Variants in GRM7 observed in about 807,000 individuals in gnomAD.
The protein encoded by GRM7 is metabotropic glutamate receptor 7.
In GRM7, 35 loss-of-function variants were observed where a neutral mutation model predicts 84.5. The observed-to-expected ratio is 0.41, with a 90% CI of 0.32 to 0.55. GRM7 has a LOEUF of 0.55. Ranked by LOEUF, GRM7 falls within the 20% of genes least tolerant of loss-of-function variation. GRM7 has a pLI of 0.19. For synonymous variants in GRM7, 487 were observed against 455.1 expected (o/e 1.07, Z -0.89); for missense variants, 1,003 against 1,194.6 (o/e 0.84, Z 2.36).
At chr3:7,257,708 C>G (rs142021534) in intron 2 of GRM7, among the ~76,000 whole-genome samples, 150 of 152,272 alleles carry the variant, frequency 9.9e-4, no homozygotes, top group Non-Finnish European at 1.8e-3. Flanking sequence ...TTTGCTACAC[C>G]TTTCCTAACA....
chr3:7,592,633 T>G lies in GRM7; in HGVS notation c.2451+13276T>G, dbSNP rs147062314. Among the ~76,000 whole-genome samples the G allele has an allele frequency of 3.6e-4, 55 of 152,346 alleles. 2 individuals are homozygous for G. The East Asian group carries it at 5.4e-3, about 15-fold the overall frequency. On this transcript the variant is annotated intron_variant, in intron 8 of 9. Transcript: ENST00000357716. The stretch of plus-strand genomic sequence containing the variant: ...CTGACAGATTTCAAAAGGATCAAGC[T>G]GATCCTCCCAAATACATTAATTTCA...
intron 4 of GRM7, among the ~76,000 whole-genome samples, chr3:7,337,219 C>T (rs58743436): frequency 3.3e-5 from 5 of 152,016 alleles, no homozygotes; most frequent in South Asian, 2.1e-4. Flanking sequence ...AGCCACACGT[C>T]GAAGAATAAA....
chr3:7,114,439 C>A (rs1304397622), intron 1 of GRM7, among the ~76,000 whole-genome samples: 1 of 152,122 alleles, frequency 6.6e-6, no homozygotes, highest in Non-Finnish European at 1.5e-5. Flanking sequence ...CATCTGGTGA[C>A]CCCCTGATAA....
chr3:7,503,643 A>G (rs182260218), intron 7 of GRM7, among the ~76,000 whole-genome samples: 1 of 152,262 alleles, frequency 6.6e-6, no homozygotes, highest in Non-Finnish European at 1.5e-5. Flanking sequence ...AATGTGGTGT[A>G]TGATAGATGA....
In GRM7 at chr3:7,087,149, C is replaced by T. The variant is rs148294766; in HGVS notation, c.520-59303C>T. On this transcript the variant is annotated intron_variant, in intron 1 of 9. Transcript: ENST00000357716. ...CAAATGATTGATAAGCATGTGCTTTCTTCTTATGATTAAGAAATTTATTTA... is the reference window on the plus strand; with the variant it reads ...CAAATGATTGATAAGCATGTGCTTTTTTCTTATGATTAAGAAATTTATTTA... Among the ~76,000 whole-genome samples the T allele has an allele frequency of 5.1e-3, 769 of 152,202 alleles. 7 individuals carry two copies. The highest frequency in any genetic ancestry group is 0.018 in the African/African-American group (731 of 41,528).
At chr3:7,119,650 T>G (rs1226978825) in intron 1 of GRM7, among the ~76,000 whole-genome samples, 2 of 152,168 alleles carry the variant, frequency 1.3e-5, no homozygotes, top group East Asian at 1.9e-4. Context: ...TTCCTTGTAG[T>G]AACTCACGTT....
chr3:6,980,597 A>G lies in GRM7; in HGVS notation c.519+118690A>G, dbSNP rs1035290083. Reference sequence around the variant, plus strand: ...TTCTTATAAGGATATTTGTTGAATTAGTTTTATAAATGCAGTATGAACACA... The same window carrying G: ...TTCTTATAAGGATATTTGTTGAATTGGTTTTATAAATGCAGTATGAACACA... On this transcript the variant is annotated intron_variant, in intron 1 of 9. Transcript: ENST00000357716. Among the ~76,000 whole-genome samples, 4 of 152,194 alleles carry G rather than the reference A, an allele frequency of 2.6e-5. No homozygotes were observed. The South Asian group carries it at 8.3e-4, about 31-fold the overall frequency.
intron 1 of GRM7, among the ~76,000 whole-genome samples, chr3:7,094,306 T>C (rs1312204234): frequency 6.6e-6 from 1 of 152,178 alleles, no homozygotes; most frequent in East Asian, 1.9e-4. Context: ...ACCGACATAA[T>C]TGGCCATAAT....
intron 8 of GRM7, among the ~76,000 whole-genome samples, chr3:7,591,287 T>C (rs1695771495): frequency 6.6e-6 from 1 of 152,144 alleles, no homozygotes; most frequent in Non-Finnish European, 1.5e-5. Flanking sequence ...TTTATTGAAA[T>C]TGATTATGAA....
At chr3:6,918,990 C>A (rs939915087) in intron 1 of GRM7, among the ~76,000 whole-genome samples, 1 of 152,104 alleles carries the variant, frequency 6.6e-6, no homozygotes. Context: ...TGTTTGTAAA[C>A]AAAATCAATC....
At chr3:6,993,873 G>T (rs1028590590) in intron 1 of GRM7, among the ~76,000 whole-genome samples, 2 of 152,140 alleles carry the variant, frequency 1.3e-5, no homozygotes, top group African/African-American at 4.8e-5. Context: ...TAGAACTGAG[G>T]GAAGAAGGGA....
intron 1 of GRM7, among the ~76,000 whole-genome samples, chr3:7,007,126 G>A (rs547485551): frequency 4.6e-5 from 7 of 152,248 alleles, no homozygotes; most frequent in East Asian, 3.9e-4. Flanking sequence ...TAGTGATGGC[G>A]TGGCTAATGA....
At chr3:7,314,872 A>G (rs1230471432) in intron 4 of GRM7, among the ~76,000 whole-genome samples, 2 of 152,120 alleles carry the variant, frequency 1.3e-5, no homozygotes, top group African/African-American at 4.8e-5. Flanking sequence ...TTGGAATCTT[A>G]TGATGTAGTA....
At chr3:7,374,003 C>T (rs190043200) in intron 4 of GRM7, among the ~76,000 whole-genome samples, 2 of 152,230 alleles carry the variant, frequency 1.3e-5, no homozygotes, top group Non-Finnish European at 2.9e-5. Context: ...ATGTCAAGGA[C>T]ATGTTCCATG....
chr3:7,299,509 C>T (rs1436731819), intron 3 of GRM7, among the ~76,000 whole-genome samples: 4 of 152,192 alleles, frequency 2.6e-5, no homozygotes, highest in African/African-American at 9.6e-5. Context: ...AACCTGATTA[C>T]AAAATTTAAA....
At chr3:7,079,678 G>T (rs1320699294) in intron 1 of GRM7, among the ~76,000 whole-genome samples, 1 of 152,098 alleles carries the variant, frequency 6.6e-6, no homozygotes, top group African/African-American at 2.4e-5. Flanking sequence ...ACTGGATAAG[G>T]GTGAGTTTAC....
chr3:7,642,113 G>A (rs1460772701), intron 8 of GRM7, among the ~76,000 whole-genome samples: 1 of 152,062 alleles, frequency 6.6e-6, no homozygotes, highest in Non-Finnish European at 1.5e-5. Flanking sequence ...ACTTAACCAA[G>A]GGCTTGCTTT....
chr3:7,305,619 T>TCC (rs1394076478), intron 3 of GRM7, among the ~76,000 whole-genome samples: 16 of 61,352 alleles, frequency 2.6e-4, no homozygotes, highest in East Asian at 1.2e-3. Context: ...GTTCTTGCGA[T>TCC]AGTTTACTGA....
chr3:7,200,058 G>A (rs1508724), intron 2 of GRM7, among the ~76,000 whole-genome samples: 63,795 of 152,074 alleles, frequency 0.42, 16,915 homozygotes, highest in African/African-American at 0.76. Flanking sequence ...GTAAAATGGC[G>A]AAGTGAATGG....
Sources: gnomAD v4.1 joint callset for allele counts (sites outside exome capture counted in the v4.1 genomes callset) on GRCh38, gnomAD v4.1.1 for gene constraint, MANE v1.5 for transcripts, NCBI Gene and HGNC (gene_info 2026-07-23, HGNC 2026-07-21) for gene names.